Variants in RAD51B observed in about 807,000 individuals in gnomAD.
The protein encoded by RAD51B is DNA repair protein RAD51 homolog 2.
In RAD51B, 38 loss-of-function variants were observed where a neutral mutation model predicts 42.2. The ratio of observed to expected loss-of-function variants is 0.90; its 90% CI spans 0.70 to 1.18. The LOEUF is 1.18. Ranked by LOEUF, RAD51B falls within the 50% of genes most tolerant of loss-of-function variation. The pLI is 0.00. For missense variants in RAD51B, 373 were observed against 400.7 expected, an observed-to-expected ratio of 0.93 and a Z score of 0.59; for synonymous variants, 154 against 145.2, an observed-to-expected ratio of 1.06 and a Z score of -0.43.
At chr14:67,998,787 A>T (rs1449593168) in intron 7 of RAD51B, among the ~76,000 whole-genome samples, 1 of 152,158 alleles carries the variant, frequency 6.6e-6, no homozygotes, top group African/African-American at 2.4e-5. Context: ...ACCTTGTCAA[A>T]ATGTCTCACA....
chr14:68,640,153 G>T (rs573579795), intron 10 of RAD51B, among the ~76,000 whole-genome samples: 1 of 152,124 alleles, frequency 6.6e-6, no homozygotes, highest in Non-Finnish European at 1.5e-5. Context: ...AATACTTTCC[G>T]TAAGCACATC....
chr14:68,558,237 A>T (rs1201280066), intron 10 of RAD51B, among the ~76,000 whole-genome samples: 1 of 152,256 alleles, frequency 6.6e-6, no homozygotes, highest in East Asian at 1.9e-4. Context: ...GTAGTTGAAT[A>T]TCTCCACCCC....
rs1466397564 is a variant in RAD51B, at chr14:68,628,695, G to T, written c.1037-22086G>T. ...ACCTGGGCTGAGTCGCGGGCGTGGA[G>T]GCAGAGGGTAGGGGGTGAGGAGGTG... On this transcript the variant is annotated intron_variant, in intron 10 of 11. Transcript: ENST00000488612. Among the ~76,000 whole-genome samples, 5 of 152,172 alleles carry T rather than the reference G, an allele frequency of 3.3e-5. No individual in the cohort carries two copies. The East Asian group carries it at 9.6e-4, about 29-fold the overall frequency.
intron 7 of RAD51B, among the ~76,000 whole-genome samples, chr14:68,162,426 G>T (rs1595493106): frequency 6.6e-6 from 1 of 152,072 alleles, no homozygotes; most frequent in Non-Finnish European, 1.5e-5. Flanking sequence ...AAATATATAA[G>T]TTTATCTCAA....
At chr14:68,324,423 T>G (rs1470765531) in intron 8 of RAD51B, among the ~76,000 whole-genome samples, 3 of 152,184 alleles carry the variant, frequency 2.0e-5, no homozygotes, top group Admixed American at 2.0e-4. Context: ...GTATGCTTCT[T>G]GAGGGTAGGT....
At chr14:67,907,224 A>C (rs2043808011) in intron 7 of RAD51B, among the ~76,000 whole-genome samples, 2 of 151,670 alleles carry the variant, frequency 1.3e-5, no homozygotes, top group Admixed American at 6.6e-5. Flanking sequence ...TTCGTGACTC[A>C]ATTTCATTCA....
intron 7 of RAD51B, among the ~76,000 whole-genome samples, chr14:67,982,124 G>A (rs1037048727): frequency 2.0e-5 from 3 of 151,882 alleles, no homozygotes; most frequent in Non-Finnish European, 4.4e-5. Flanking sequence ...TAGTAGAGAC[G>A]GGGTTTCACC....
chr14:68,442,671 G>C (rs9323511), intron 9 of RAD51B, among the ~76,000 whole-genome samples: 128,428 of 151,686 alleles, frequency 0.85, 54,669 homozygotes, highest in East Asian at 0.97. Context: ...AATCTCTTGA[G>C]CTTGTGATCC....
intron 7 of RAD51B, among the ~76,000 whole-genome samples, chr14:67,996,412 T>TAATAAATA (rs139583137): frequency 2.0e-3 from 299 of 147,478 alleles, no homozygotes; most frequent in Admixed American, 3.5e-3. Context: ...ATAACAACAA[T>TAATAAATA]AATAAATAAA....
Position 68,508,544 on chromosome 14 carries a change from G to A in RAD51B, c.1036+40294G>A, listed in dbSNP as rs184428025. On this transcript the variant is annotated intron_variant, in intron 10 of 10. Transcript: ENST00000487270. ...TGTCTATGATTCTATTCAAGGCCCAGACATAACCAGCCTTCATGGGCTTCC... is the reference window on the plus strand; with the variant it reads ...TGTCTATGATTCTATTCAAGGCCCAAACATAACCAGCCTTCATGGGCTTCC... 3.9e-4 allele frequency among the ~76,000 whole-genome samples: 59 copies of A among 152,316 alleles called. No homozygotes were observed. In the East Asian group the frequency reaches 9.3e-3, roughly 24 times the overall value.
At chr14:67,851,068 C>T (rs994509479) in intron 4 of RAD51B, among the ~76,000 whole-genome samples, 2 of 152,010 alleles carry the variant, frequency 1.3e-5, no homozygotes, top group African/African-American at 2.4e-5. Flanking sequence ...CATTTAAGAG[C>T]GGGGTTGGGG....
chr14:68,160,045 A>C (rs1270848087), intron 7 of RAD51B, among the ~76,000 whole-genome samples: 1 of 150,832 alleles, frequency 6.6e-6, no homozygotes, highest in Non-Finnish European at 1.5e-5. Context: ...GAACACTCCT[A>C]TTATTAAAAA....
chr14:67,874,976 G>A (rs2042678152), intron 5 of RAD51B, among the ~76,000 whole-genome samples: 1 of 152,142 alleles, frequency 6.6e-6, no homozygotes, highest in Admixed American at 6.6e-5. Flanking sequence ...AAATAAAATG[G>A]ATAAAGGAAA....
At chr14:68,553,106 T>C (rs1006770844) in intron 10 of RAD51B, among the ~76,000 whole-genome samples, 2 of 152,248 alleles carry the variant, frequency 1.3e-5, no homozygotes, top group South Asian at 2.1e-4. Context: ...TTGTTGCTGA[T>C]TTCATTTTGC....
intron 8 of RAD51B, among the ~76,000 whole-genome samples, chr14:68,332,302 C>T (rs1365803908): frequency 6.6e-6 from 1 of 152,162 alleles, no homozygotes; most frequent in African/African-American, 2.4e-5. Context: ...GAGATACACA[C>T]ACACACACAT....
rs552197811 is a variant in RAD51B at position 68,553,417 on chromosome 14, G to A, written c.1037-41068G>A. Among the ~76,000 whole-genome samples, 4 of 152,290 alleles carry A rather than the reference G, an allele frequency of 2.6e-5. No individual in the cohort carries two copies. In the South Asian group the frequency reaches 6.2e-4, roughly 24 times the overall value. ...AGAGCCAAGGGTAGACTGAGTTCTG[G>A]TTAAGGAATTTCCAGGCAGGAAGAA... On this transcript the variant is annotated intron_variant, in intron 10 of 10. Coordinates refer to the RAD51B transcript ENST00000487270.
intron 9 of RAD51B, among the ~76,000 whole-genome samples, chr14:68,453,634 A>G (rs1020290547): frequency 1.3e-5 from 2 of 152,182 alleles, no homozygotes; most frequent in Non-Finnish European, 2.9e-5. Context: ...TTATTAAAAC[A>G]GGGGATTATG....
intron 7 of RAD51B, among the ~76,000 whole-genome samples, chr14:68,078,321 T>A (rs1239103731): frequency 1.3e-5 from 2 of 151,004 alleles, no homozygotes; most frequent in Non-Finnish European, 2.9e-5. Context: ...GCCAAGAATA[T>A]TTCTTTGTTT....
chr14:68,539,160 G>T (rs72729515), intron 10 of RAD51B, among the ~76,000 whole-genome samples: 10,591 of 152,264 alleles, frequency 0.07, 518 homozygotes, highest in Middle Eastern at 0.24. Context: ...GAGAGCAGTT[G>T]CTCTCCACAG....
Sources: allele counts gnomAD v4.1 joint callset (sites outside exome capture counted in the v4.1 genomes callset), GRCh38; gene constraint gnomAD v4.1.1; transcripts MANE v1.5; gene names NCBI Gene and HGNC (gene_info 2026-07-23, HGNC 2026-07-21).